Variants in BACE1 observed in about 807,000 individuals in gnomAD.
The protein encoded by BACE1 is beta-secretase 1.
BACE1 carries 21 observed loss-of-function variants against 54.0 expected under a neutral mutation model. That is an observed-to-expected ratio of 0.39 (90% CI 0.28 to 0.56). BACE1 has a LOEUF of 0.56. Among genes scored for constraint, BACE1 ranks in the 20% least tolerant of loss-of-function variants. The pLI is 0.63. For missense variants in BACE1, 511 were observed against 661.2 expected (o/e 0.77, Z 2.49); for synonymous variants, 232 against 260.9 (o/e 0.89, Z 1.07).
chr11:117,295,057 TTC>T (rs2034561664), intron 3 of BACE1, 72 bp downstream of exon 3: 4 of 1,413,392 alleles, frequency 2.8e-6, no homozygotes, highest in Non-Finnish European at 4.0e-6. Flanking sequence ...CTAATTCCCC[TTC>T]TCTCTCCTAA....
intron 8 of BACE1, 103 bp from the exon 9 acceptor site, chr11:117,289,910 T>G (rs1429669952): frequency 1.0e-6 from 1 of 999,902 alleles, no homozygotes; most frequent in African/African-American, 1.6e-5. Flanking sequence ...CATGCAGAAG[T>G]TATCTAATCT....
rs759218078 is a variant in BACE1 at position 117,290,696 on chromosome 11, A to G, written c.1093-37T>C. The G allele has an allele frequency of 6.8e-6, 11 of 1,606,410 alleles. No individual in the cohort carries two copies. In the South Asian group the frequency reaches 8.9e-5, roughly 13 times the overall value. On this transcript the variant is annotated intron_variant, in intron 7 of 8. Transcript: ENST00000313005. The stretch of plus-strand genomic sequence containing the variant: ...CAATCACAGGGTGAGTGTCTTCCTC[A>G]CTCTCCTTCACCCCATCTCTGCCTT...
chr11:117,292,568 T>C (rs1023629624), intron 5 of BACE1, among the ~76,000 whole-genome samples: 4 of 152,204 alleles, frequency 2.6e-5, no homozygotes, highest in East Asian at 1.9e-4. Context: ...TTACCTTTTA[T>C]TGAGTACTGC....
intron 1 of BACE1, among the ~76,000 whole-genome samples, chr11:117,298,867 G>T (rs555245753): frequency 1.5e-4 from 23 of 152,256 alleles, no homozygotes; most frequent in African/African-American, 5.3e-4. Flanking sequence ...GTGCAATGGC[G>T]CGATCTCGGC....
intron 1 of BACE1, among the ~76,000 whole-genome samples, chr11:117,298,072 C>T (rs1187253234): frequency 1.3e-5 from 2 of 152,128 alleles, no homozygotes; most frequent in South Asian, 2.1e-4. Flanking sequence ...GAGGCTAAGG[C>T]GGGTGGATCA....
In BACE1 at chr11:117,293,573, C is replaced by G; in HGVS notation, c.705+298G>C. On this transcript the variant is annotated intron_variant, in intron 4 of 8. Coordinates refer to ENST00000313005, the MANE Select transcript of BACE1 (RefSeq NM_012104.6). This position sits in a 1 kb window ranked among gnomAD's most constrained non-coding sequence, Gnocchi z 4.1. ...TAATAAATAGACAAACTTCTTATATCTCTGCCTTCTGACCATCAAACTGAA... is the reference window on the plus strand; with the variant it reads ...TAATAAATAGACAAACTTCTTATATGTCTGCCTTCTGACCATCAAACTGAA... The G allele has an allele frequency of 3.4e-6, 1 of 291,926 alleles. No homozygotes were observed. Among genetic ancestry groups the G allele is most frequent in the East Asian group, 6.4e-5 (1 of 15,574 alleles). 18.1% of individuals were successfully genotyped at this position (291,926 alleles called of 1,614,324 possible).
chr11:117,294,682 G>A (rs1025728393), intron 3 of BACE1, among the ~76,000 whole-genome samples: 1 of 151,498 alleles, frequency 6.6e-6, no homozygotes, highest in Non-Finnish European at 1.5e-5. Context: ...TCAGGAGTTC[G>A]AGACCAGCCT....
chr11:117,305,423 G>T (rs1332552722), intron 1 of BACE1, among the ~76,000 whole-genome samples: 2 of 152,068 alleles, frequency 1.3e-5, no homozygotes, highest in East Asian at 3.9e-4. Flanking sequence ...CTGTGCAAAT[G>T]GACTCCTTTT....
intron 1 of BACE1, among the ~76,000 whole-genome samples, chr11:117,304,800 C>G (rs555697853): frequency 3.7e-4 from 57 of 152,186 alleles, no homozygotes; most frequent in Admixed American, 3.2e-3. Context: ...TCTGCCTGTC[C>G]CACAGACTAT....
At chr11:117,298,597 A>C (rs1229592928) in intron 1 of BACE1, among the ~76,000 whole-genome samples, 2 of 152,172 alleles carry the variant, frequency 1.3e-5, no homozygotes, top group South Asian at 2.1e-4. Flanking sequence ...ATCAGTGTCC[A>C]TGCGTGTGGT....
chr11:117,291,431 C>T (rs368580251), intron 6 of BACE1, among the ~76,000 whole-genome samples: 1 of 152,172 alleles, frequency 6.6e-6, no homozygotes, highest in South Asian at 2.1e-4. Context: ...GCGTGCGCCA[C>T]CACACCCAGC....
intron 1 of BACE1, among the ~76,000 whole-genome samples, chr11:117,303,731 G>A (rs2034773599): frequency 6.6e-6 from 1 of 152,190 alleles, no homozygotes; most frequent in African/African-American, 2.4e-5. Flanking sequence ...TGGAGTGGGG[G>A]CTCTAGCTCC....
At chr11:117,298,867 G>A (rs555245753) in intron 1 of BACE1, among the ~76,000 whole-genome samples, 4 of 152,142 alleles carry the variant, frequency 2.6e-5, no homozygotes, top group Non-Finnish European at 4.4e-5. Context: ...GTGCAATGGC[G>A]CGATCTCGGC....
rs932571510 is a variant in BACE1 at position 117,289,067 on chromosome 11, T to G, written c.*499A>C. On this transcript the variant is annotated 3_prime_UTR_variant, in exon 9 of 9. Coordinates refer to ENST00000313005, the MANE Select transcript of BACE1 (RefSeq NM_012104.6). ...ATCTTTGCACCAATGTTAGGCTTGTTTATACAGTCCCTGTCTCTAAAGCAA... is the reference window on the plus strand; with the variant it reads ...ATCTTTGCACCAATGTTAGGCTTGTGTATACAGTCCCTGTCTCTAAAGCAA... 6.3e-6 allele frequency: 1 copy of G among 158,630 alleles called. No homozygotes were observed. Among genetic ancestry groups the G allele is most frequent in the Non-Finnish European group, 1.4e-5 (1 of 71,026 alleles). The allele number at this position is 158,630 out of a possible 1,614,324, so 9.8% of individuals were successfully genotyped here.
At chr11:117,312,975 A>G (rs2034985079) in intron 1 of BACE1, among the ~76,000 whole-genome samples, 1 of 152,168 alleles carries the variant, frequency 6.6e-6, no homozygotes, top group Admixed American at 6.6e-5. Flanking sequence ...GGCAGAAAAC[A>G]TGTCTTCTTG....
intron 1 of BACE1, among the ~76,000 whole-genome samples, chr11:117,307,643 C>G (rs1156369790): frequency 6.6e-6 from 1 of 152,140 alleles, no homozygotes; most frequent in Admixed American, 6.6e-5. Flanking sequence ...AATTTTCTGC[C>G]CAGCCCTTTA....
intron 1 of BACE1, among the ~76,000 whole-genome samples, chr11:117,313,080 T>C (rs1331365158): frequency 2.6e-5 from 4 of 152,168 alleles, no homozygotes. Context: ...CAGAATACAA[T>C]GCCATCCAAG....
intron 3 of BACE1, 70 bp downstream of exon 3, chr11:117,295,057 TTCTC>T: frequency 2.1e-6 from 3 of 1,413,510 alleles, no homozygotes; most frequent in Non-Finnish European, 1.0e-6. Flanking sequence ...CTAATTCCCC[TTCTC>T]TCTCCTAATT....
chr11:117,309,524 G>A (rs1011261356), intron 1 of BACE1, among the ~76,000 whole-genome samples: 3 of 151,944 alleles, frequency 2.0e-5, no homozygotes, highest in Admixed American at 1.3e-4. Context: ...AGGCTGAGGC[G>A]GGTGGATCCC....
Sources: gnomAD v4.1 joint callset for allele counts (sites outside exome capture counted in the v4.1 genomes callset) on GRCh38, gnomAD v4.1.1 for gene constraint, Gnocchi (gnomAD v3.1) non-coding constraint, MANE v1.5 for transcripts, NCBI Gene and HGNC (gene_info 2026-07-23, HGNC 2026-07-21) for gene names.